CACTIN: variants seen among roughly 807,000 people sequenced by gnomAD.
CACTIN encodes cactin, spliceosome C complex subunit, also known as splicing factor Cactin.
CACTIN carries 20 observed loss-of-function variants against 84.9 expected under a neutral mutation model. The ratio of observed to expected loss-of-function variants is 0.24; its 90% CI spans 0.17 to 0.34. The LOEUF (loss-of-function observed/expected upper bound fraction) is 0.34. Ranked by LOEUF, CACTIN falls within the 10% of genes least tolerant of loss-of-function variation. The pLI, the probability that CACTIN is intolerant of heterozygous loss-of-function variation, is 1.00. For missense variants in CACTIN, 897 were observed against 1,117.2 expected (o/e 0.80, Z 2.81); for synonymous variants, 549 against 467.9 (o/e 1.17, Z -2.24).
intron 9 of CACTIN, 136 bp downstream of exon 9, chr19:3,612,922 C>T (rs765404458): frequency 7.2e-6 from 8 of 1,118,386 alleles, no homozygotes; most frequent in Non-Finnish European, 1.0e-5. Context: ...GGAATGCACG[C>T]TCAGAGACCC....
At position 3,613,698 on chromosome 19, in the gene CACTIN, C is replaced by T. The variant is rs369290192; in HGVS notation, c.1356-112G>A. ...GCAAGGACCCTGAGAAGGTGGCGAGCAGCCACGGCTCTGGCTGGGACCTTT... is the reference window on the plus strand; with the variant it reads ...GCAAGGACCCTGAGAAGGTGGCGAGTAGCCACGGCTCTGGCTGGGACCTTT... On this transcript the variant is annotated intron_variant, in intron 7 of 9. Transcript: ENST00000429344. 7.4e-4 allele frequency: 1,067 copies of T among 1,434,236 alleles called. 11 individuals are homozygous for T. The African/African-American group carries it at 0.012, about 16-fold the overall frequency. The allele number at this position is 1,434,236 out of a possible 1,614,324, so 88.8% of individuals were successfully genotyped here.
intron 6 of CACTIN, 30 bp from the exon 7 acceptor site, chr19:3,614,619 G>A: frequency 6.4e-7 from 1 of 1,562,152 alleles, no homozygotes; most frequent in Non-Finnish European, 8.7e-7. Context: ...TGGGGGGGCG[G>A]TTCCACATTT....
intron 1 of CACTIN, among the ~76,000 whole-genome samples, chr19:3,625,053 G>A (rs2033305788): frequency 6.6e-6 from 1 of 152,098 alleles, no homozygotes; most frequent in South Asian, 2.1e-4. Context: ...ACCACGCCCA[G>A]GTAACTCTTT....
At position 3,624,064 on chromosome 19, in the gene CACTIN, T is replaced by C. The variant is rs2033284563; in HGVS notation, c.266A>G (p.Asp89Gly). ...GCCCCGTGACTGCTCCTCTCCTGAGTCCGACTGAGAGGACCCATCTCTTGA... is the reference window on the plus strand; with the variant it reads ...GCCCCGTGACTGCTCCTCTCCTGAGCCCGACTGAGAGGACCCATCTCTTGA... ...WHSRDGSSQS[D>G]SGEEQSRGQW... is the part of the protein sequence containing the mutation. Residue 89 changes from aspartate (D) to glycine (G), a missense_variant, in exon 2 of 10, where the codon GAC becomes GGC. Transcript: ENST00000429344. 6.2e-7 allele frequency: 1 copy of C among 1,603,756 alleles called. No homozygotes were observed. Among genetic ancestry groups the C allele is most frequent in the Non-Finnish European group, 8.5e-7 (1 of 1,179,594 alleles).
rs8111805 is a variant in CACTIN, at chr19:3,612,981, G to C, written c.1786+77C>G. On this transcript the variant is annotated intron_variant, in intron 9 of 9. Transcript: ENST00000429344. ...CCCACTGACGCCAGCGGCTTCGGCC[G>C]GGAAATGAGGCTGGAGAAGCCCCGC... 3,342 of 1,487,220 alleles carry C rather than the reference G, an allele frequency of 2.2e-3. 64 individuals are homozygous for C. In the African/African-American group the frequency reaches 0.042, roughly 18 times the overall value. 92.1% of individuals were successfully genotyped at this position (1,487,220 alleles called of 1,614,324 possible).
chr19:3,620,472 G>A (rs2033200307), intron 3 of CACTIN, 200 bp from the exon 4 acceptor site: 1 of 728,858 alleles, frequency 1.4e-6, no homozygotes, highest in Non-Finnish European at 2.4e-6. Flanking sequence ...AGATCAGCTG[G>A]GGCCCTCTCG....
At chr19:3,621,002 G>T in intron 2 of CACTIN, 200 bp from the exon 3 acceptor site, 2 of 687,160 alleles carry the variant, frequency 2.9e-6, no homozygotes, top group Non-Finnish European at 5.3e-6. Context: ...GCCCCCACTG[G>T]GAGTGAGATG....
Position 3,610,981 on chromosome 19 carries a change from G to T in CACTIN, c.*942C>A, listed in dbSNP as rs1272398700. The T allele has an allele frequency of 2.2e-6, 1 of 456,510 alleles. No individual in the cohort carries two copies. The highest frequency in any genetic ancestry group is 6.9e-5 in the East Asian group (1 of 14,402). The allele number at this position is 456,510 out of a possible 1,614,324, so 28.3% of individuals were successfully genotyped here. ...CCTCGGCCCTCCTGGCCTGAGAAAG[G>T]GGAGTGAGAAGGAGCCACTGTCCTG... On this transcript the variant is annotated 3_prime_UTR_variant, in exon 10 of 10. Coordinates refer to ENST00000429344, the MANE Select transcript of CACTIN (RefSeq NM_001080543.2).
chr19:3,621,944 G>A (rs2033232912), intron 2 of CACTIN, among the ~76,000 whole-genome samples: 1 of 152,124 alleles, frequency 6.6e-6, no homozygotes, highest in Non-Finnish European at 1.5e-5. Context: ...GCGAGCAGGT[G>A]CAGTCGGCCC....
Position 3,623,874 on chromosome 19 carries a change from C to T in CACTIN, c.456G>A (p.Gln152=). The change falls in exon 2 of 10, where the codon CAG becomes CAA. Residue 152 remains glutamine, a synonymous_variant. Coordinates refer to ENST00000429344, the MANE Select transcript of CACTIN (RefSeq NM_001080543.2). ...ERLRLREERK[Q]QEELMKAFET... The stretch of plus-strand genomic sequence containing the variant: ...CGAAGGCCTTCATCAGCTCCTCCTG[C>T]TGCTTCCGCTCCTCCCGCAGCCGCA... The T allele has an allele frequency of 6.2e-7, 1 of 1,609,016 alleles. No homozygotes were observed. Among genetic ancestry groups the T allele is most frequent in the East Asian group, 2.2e-5 (1 of 44,886 alleles).
chr19:3,620,097 G>C, intron 4 of CACTIN, 30 bp downstream of exon 4: 1 of 1,605,684 alleles, frequency 6.2e-7, no homozygotes, highest in Non-Finnish European at 8.5e-7. Flanking sequence ...TCCAAGTCTG[G>C]GTCGGAGGGA....
rs559939618 is a variant in CACTIN at position 3,624,798 on chromosome 19, G to A, written c.168-636C>T. Reference sequence around the variant, plus strand: ...CAGGAGTTAACAGAGTAGAGCGCAGGGAATGGAAGATGCACAACCTCAGGG... The same window carrying A: ...CAGGAGTTAACAGAGTAGAGCGCAGAGAATGGAAGATGCACAACCTCAGGG... On this transcript the variant is annotated intron_variant, in intron 1 of 9. Coordinates refer to ENST00000429344, the MANE Select transcript of CACTIN (RefSeq NM_001080543.2). Among the ~76,000 whole-genome samples, 18 of 152,162 alleles carry A rather than the reference G, an allele frequency of 1.2e-4. 1 individual carries two copies. In the Middle Eastern group the frequency reaches 0.01, roughly 86 times the overall value.
chr19:3,623,787 C>T lies in CACTIN; in HGVS notation c.543G>A (p.Lys181=), dbSNP rs61740064. The T allele has an allele frequency of 2.5e-6, 4 of 1,613,868 alleles. No individual in the cohort carries two copies. The highest frequency in any genetic ancestry group is 1.6e-4 in the Middle Eastern group (1 of 6,084). The stretch of plus-strand genomic sequence containing the variant: ...CCTCACCCCAGCCCATCTTCTCCCG[C>T]TTCTTGCGCTCCTTGGCCTCCTTCT... ...LAKKEAKERK[K]REKMGWGEEY... Residue 181 remains lysine, a synonymous_variant, in exon 2 of 10, where the codon AAG becomes AAA. Coordinates refer to ENST00000429344, the MANE Select transcript of CACTIN (RefSeq NM_001080543.2).
intron 2 of CACTIN, among the ~76,000 whole-genome samples, chr19:3,621,838 G>T (rs559541170): frequency 6.6e-6 from 1 of 152,192 alleles, no homozygotes; most frequent in Non-Finnish European, 1.5e-5. Context: ...GGGCGCGGCA[G>T]TGTGAGGGCC....
At chr19:3,622,338 T>G (rs926773035) in intron 2 of CACTIN, among the ~76,000 whole-genome samples, 1 of 117,076 alleles carries the variant, frequency 8.5e-6, no homozygotes, top group Non-Finnish European at 1.6e-5. Flanking sequence ...CATTCTAGTC[T>G]GGGCAACAGA....
chr19:3,626,603 C>T lies in CACTIN; in HGVS notation c.160G>A (p.Glu54Lys). The change falls in exon 1 of 10, where the codon GAG becomes AAG. Residue 54 changes from glutamate (E) to lysine (K), a missense_variant. By Grantham distance (56) the Glu-to-Lys change is moderately conservative (BLOSUM62 1). Around this residue, in one of 8 missense-constraint regions of CACTIN, gnomAD observed 261 missense variants for 243.8 expected, o/e 1.07. Coordinates refer to ENST00000429344, the MANE Select transcript of CACTIN (RefSeq NM_001080543.2). ...CTCCCGCAGCGACCCCACCTGCGCT[C>T]CCGGCTCCGCCGCCTCCGTCTGCGC... ...GRRRRRRRSR[E>K]RRSDSEEERW... is the part of the protein sequence containing the mutation. 2 of 1,475,344 alleles carry T rather than the reference C, an allele frequency of 1.4e-6. No individual in the cohort carries two copies. The highest frequency in any genetic ancestry group is 1.8e-6 in the Non-Finnish European group (2 of 1,117,796). The allele number at this position is 1,475,344 out of a possible 1,614,324, so 91.4% of individuals were successfully genotyped here. A position where few individuals can be genotyped will look rare whatever the true frequency, so the allele number is the denominator to read the frequency against.
At position 3,611,050 on chromosome 19, in the gene CACTIN, C is replaced by T; in HGVS notation, c.*873G>A. On this transcript the variant is annotated 3_prime_UTR_variant, in exon 10 of 10. Coordinates refer to ENST00000429344, the MANE Select transcript of CACTIN (RefSeq NM_001080543.2). ...GTCACTGGTCTCATGCTCCAAGGCC[C>T]CGTGAGCAGGCCAGGTGGGGGGATC... 2 of 427,930 alleles carry T rather than the reference C, an allele frequency of 4.7e-6. No homozygotes were observed. Among genetic ancestry groups the T allele is most frequent in the South Asian group, 1.7e-5 (1 of 60,588 alleles). The allele number at this position is 427,930 out of a possible 1,614,324, so 26.5% of individuals were successfully genotyped here. A position where few individuals can be genotyped will look rare whatever the true frequency, so the allele number is the denominator to read the frequency against.
chr19:3,623,679 G>A lies in CACTIN; in HGVS notation c.642+9C>T, dbSNP rs767422361. 2.3e-5 allele frequency: 36 copies of A among 1,589,730 alleles called. 1 individual carries two copies. The highest frequency in any genetic ancestry group is 2.0e-4 in the South Asian group (18 of 88,404). On this transcript the variant is annotated intron_variant, in intron 2 of 9. Transcript: ENST00000429344. ...ACAGGGACAGAGGCCACCACCCGGC[G>A]GGGCCCACCTTATTCCAGATGAAGG...
chr19:3,611,475 C>T lies in CACTIN; in HGVS notation c.*448G>A, dbSNP rs1421951126. 1 of 385,492 alleles carries T rather than the reference C, an allele frequency of 2.6e-6. No individual in the cohort carries two copies. The highest frequency in any genetic ancestry group is 2.1e-5 in the African/African-American group (1 of 46,796). The allele number at this position is 385,492 out of a possible 1,614,324, so 23.9% of individuals were successfully genotyped here. ...ATGTGGCAGGGCTGGCCTTGAGTTTCCTGCTTCTCACGAGCCTGGCACCGC... is the reference window on the plus strand; with the variant it reads ...ATGTGGCAGGGCTGGCCTTGAGTTTTCTGCTTCTCACGAGCCTGGCACCGC... On this transcript the variant is annotated 3_prime_UTR_variant, in exon 10 of 10. Transcript: ENST00000429344.
Sources: allele counts gnomAD v4.1 joint callset (sites outside exome capture counted in the v4.1 genomes callset), GRCh38; gene constraint gnomAD v4.1.1; regional missense constraint gnomAD v4.1.1; transcripts MANE v1.5; gene names NCBI Gene and HGNC (gene_info 2026-07-23, HGNC 2026-07-21).